The following FRAS1 variants were observed in gnomAD, a reference collection of about 807,000 sequenced individuals.
The protein encoded by FRAS1 is Fraser extracellular matrix complex subunit 1, also known as extracellular matrix organizing protein FRAS1.
Under a neutral mutation model 435.2 loss-of-function variants are expected in FRAS1, and 290 were observed. The ratio of observed to expected loss-of-function variants is 0.67; its 90% confidence interval spans 0.61 to 0.73. The LOEUF (loss-of-function observed/expected upper bound fraction) is 0.73, where lower values mean the gene tolerates loss of function less well. Among genes scored for constraint, FRAS1 ranks in the 30% least tolerant of loss-of-function variants. The pLI is 0.00. For missense variants in FRAS1, 4,860 were observed against 5,001.5 expected (o/e 0.97, Z 0.85); for synonymous variants, 1,800 against 1,851.0 (o/e 0.97, Z 0.71).
intron 37 of FRAS1, among the ~76,000 whole-genome samples, chr4:78,430,762 C>T (rs530434084): frequency 3.3e-5 from 5 of 152,148 alleles, no homozygotes; most frequent in Admixed American, 2.0e-4. Context: ...GGAGATGAAT[C>T]GGTCTTAATT....
rs372566955 is a variant in FRAS1, at chr4:78,333,297, T to G, written c.2163T>G (p.Cys721Trp). ...CTTGCCACCAGTCCTGTTTCAGATG[T>G]GCAGGGAAAAGCCCACATAACTGCA... is the stretch of plus-strand genomic sequence containing the variant. ...CEACHQSCFRCAGKSPHNCTD... is the reference protein window; with the variant it reads ...CEACHQSCFRWAGKSPHNCTD... Residue 721 changes from cysteine to tryptophan, a missense_variant, in exon 19 of 74, where the codon TGT becomes TGG. Transcript: ENST00000512123. The G allele has an allele frequency of 8.7e-6, 14 of 1,610,684 alleles. No homozygotes were observed. Among genetic ancestry groups the G allele is most frequent in the South Asian group, 1.1e-5 (1 of 90,248 alleles).
chr4:78,121,318 G>C (rs1719008368), intron 2 of FRAS1, among the ~76,000 whole-genome samples: 1 of 152,200 alleles, frequency 6.6e-6, no homozygotes. Flanking sequence ...ACTGATGGTA[G>C]ATATTTAATC....
intron 20 of FRAS1, among the ~76,000 whole-genome samples, chr4:78,340,477 T>C (rs1022818462): frequency 3.3e-5 from 5 of 152,236 alleles, no homozygotes; most frequent in African/African-American, 1.2e-4. Context: ...CTCTGTAGCA[T>C]TGCAATGCAT....
chr4:78,284,167 T>A (rs898654732), intron 12 of FRAS1, among the ~76,000 whole-genome samples: 18 of 150,820 alleles, frequency 1.2e-4, no homozygotes, highest in African/African-American at 4.4e-4. Flanking sequence ...ATGCTGGGGC[T>A]ATGGGAGACA....
chr4:78,101,244 G>A (rs1456420783), intron 2 of FRAS1, among the ~76,000 whole-genome samples: 1 of 152,144 alleles, frequency 6.6e-6, no homozygotes, highest in East Asian at 1.9e-4. Flanking sequence ...AAATGTGAAG[G>A]GACAAGTTTT....
At chr4:78,263,713 C>T (rs1726222328) in intron 6 of FRAS1, among the ~76,000 whole-genome samples, 1 of 152,104 alleles carries the variant, frequency 6.6e-6, no homozygotes, top group Non-Finnish European at 1.5e-5. Flanking sequence ...GTTCAATTTC[C>T]ACATATTCCA....
At chr4:78,517,370 A>T (rs1721242156) in intron 66 of FRAS1, among the ~76,000 whole-genome samples, 2 of 152,240 alleles carry the variant, frequency 1.3e-5, no homozygotes, top group Non-Finnish European at 2.9e-5. Context: ...TTCAAAAATT[A>T]GTATTCTCTG....
At chr4:78,447,556 T>G (rs1346872500) in intron 43 of FRAS1, among the ~76,000 whole-genome samples, 1 of 152,162 alleles carries the variant, frequency 6.6e-6, no homozygotes, top group Non-Finnish European at 1.5e-5. Flanking sequence ...AATGAAGCAC[T>G]TTGACTGTCC....
At chr4:78,443,199 A>G (rs1248517039) in intron 41 of FRAS1, among the ~76,000 whole-genome samples, 1 of 152,098 alleles carries the variant, frequency 6.6e-6, no homozygotes, top group African/African-American at 2.4e-5. Context: ...AAAGGATAAA[A>G]ATGTAAAAAT....
At chr4:78,311,389 C>T (rs28806931) in intron 15 of FRAS1, among the ~76,000 whole-genome samples, 6,063 of 152,216 alleles carry the variant, frequency 0.04, 331 homozygotes, top group African/African-American at 0.13. Context: ...ACATGCACCA[C>T]GTTGTTCTCT....
At chr4:78,304,234 G>C (rs1728581069) in intron 14 of FRAS1, among the ~76,000 whole-genome samples, 1 of 151,998 alleles carries the variant, frequency 6.6e-6, no homozygotes, top group Non-Finnish European at 1.5e-5. Flanking sequence ...TAACCTTTTT[G>C]ATGTGCTGCT....
rs1380615668 is a variant in FRAS1 at position 78,419,200 on chromosome 4, T to C, written c.4540+137T>C. 12 of 542,654 alleles carry C rather than the reference T, an allele frequency of 2.2e-5. No homozygotes were observed. The East Asian group carries it at 3.6e-4, about 16-fold the overall frequency. 33.6% of individuals were successfully genotyped at this position (542,654 alleles called of 1,614,324 possible). A position where few individuals can be genotyped will look rare whatever the true frequency, so the allele number is the denominator to read the frequency against. On this transcript the variant is annotated intron_variant, in intron 33 of 73. Coordinates refer to ENST00000512123, the MANE Select transcript of FRAS1 (RefSeq NM_025074.7). ...GGTTTCAAGGAATAATGATTATTCA[T>C]ATTTCTCGCTCCTGTCTTCTAGTTT...
intron 31 of FRAS1, among the ~76,000 whole-genome samples, chr4:78,411,434 T>C (rs1475047881): frequency 1.3e-5 from 2 of 152,206 alleles, no homozygotes; most frequent in African/African-American, 2.4e-5. Flanking sequence ...TTTAATGCCA[T>C]TTTAATGTTG....
intron 70 of FRAS1, among the ~76,000 whole-genome samples, chr4:78,529,697 T>C (rs1721653640): frequency 6.6e-6 from 1 of 152,166 alleles, no homozygotes; most frequent in South Asian, 2.1e-4. Flanking sequence ...TTTTTCAATC[T>C]GCCAACCAAG....
At chr4:78,272,433 T>C (rs1206071069) in intron 9 of FRAS1, among the ~76,000 whole-genome samples, 2 of 152,250 alleles carry the variant, frequency 1.3e-5, no homozygotes, top group Non-Finnish European at 2.9e-5. Context: ...TCTAGGATTT[T>C]TATGGTTTTA....
At chr4:78,089,546 A>G (rs915214399) in intron 2 of FRAS1, among the ~76,000 whole-genome samples, 2 of 152,128 alleles carry the variant, frequency 1.3e-5, no homozygotes, top group Non-Finnish European at 2.9e-5. Flanking sequence ...GACTGTTTTG[A>G]ATTGTTTTCT....
chr4:78,102,247 A>G (rs1742168460), intron 2 of FRAS1, among the ~76,000 whole-genome samples: 1 of 152,192 alleles, frequency 6.6e-6, no homozygotes, highest in African/African-American at 2.4e-5. Context: ...CACCAGAAGT[A>G]TTTCTACAGA....
chr4:78,104,723 T>C (rs1318587674), intron 2 of FRAS1, among the ~76,000 whole-genome samples: 1 of 152,214 alleles, frequency 6.6e-6, no homozygotes, highest in Non-Finnish European at 1.5e-5. Context: ...GAAATGCTTG[T>C]CTTCAAAGAA....
chr4:78,090,112 C>T (rs1473935211), intron 2 of FRAS1, among the ~76,000 whole-genome samples: 1 of 152,124 alleles, frequency 6.6e-6, no homozygotes, highest in Non-Finnish European at 1.5e-5. Flanking sequence ...CCCACCTAAA[C>T]CTGTGCTTCC....
Sources: allele counts gnomAD v4.1 joint callset (sites outside exome capture counted in the v4.1 genomes callset), GRCh38; gene constraint gnomAD v4.1.1; transcripts MANE v1.5; gene names NCBI Gene and HGNC (gene_info 2026-07-23, HGNC 2026-07-21).